The following CAD variants were observed in gnomAD, a reference collection of about 807,000 sequenced individuals.
The protein encoded by CAD is carbamoyl-phosphate synthetase 2, aspartate transcarbamylase, and dihydroorotase.
In CAD, 81 loss-of-function variants were observed where a neutral mutation model predicts 237.2. The ratio of observed to expected loss-of-function variants is 0.34; its 90% CI spans 0.29 to 0.41. The LOEUF (loss-of-function observed/expected upper bound fraction) is 0.41, where lower values mean the gene tolerates loss of function less well. Among genes scored for constraint, CAD ranks in the 10% least tolerant of loss-of-function variants. CAD has a pLI of 1.00. For synonymous variants in CAD, 1,196 were observed against 1,162.8 expected, an observed-to-expected ratio of 1.03 and a Z score of -0.58; for missense variants, 2,181 against 2,951.7, an observed-to-expected ratio of 0.74 and a Z score of 6.05.
Position 27,242,403 on chromosome 2 carries a change from G to A in CAD, c.6198G>A (p.Glu2066=). ...ALLDIFTIRE[E]LGTVNGMTIT... ...TGGACATCTTCACCATCCGTGAGGA[G>A]CTGGGAACTGTCAATGGCATGACGG... Residue 2066 remains glutamate, a synonymous_variant, in exon 40 of 44, where the codon GAG becomes GAA. Transcript: ENST00000264705. The surrounding 1 kb of genome is among the most constrained non-coding windows in gnomAD (Gnocchi z 6.4). 1.2e-6 allele frequency: 2 copies of A among 1,614,018 alleles called. No individual in the cohort carries two copies. The highest frequency in any genetic ancestry group is 1.7e-5 in the Admixed American group (1 of 59,998).
Position 27,242,212 on chromosome 2 carries a change from G to C in CAD, c.6096+89G>C. On this transcript the variant is annotated intron_variant, in intron 39 of 43. Coordinates refer to ENST00000264705, the MANE Select transcript of CAD (RefSeq NM_004341.5). The surrounding 1 kb of genome is among the most constrained non-coding windows in gnomAD (Gnocchi z 6.4). ...TCTGCCCACGTTTTCTGTGTTTTGGGCCAGATGAGTGAGGGGACCCCAGAA... is the reference window on the plus strand; with the variant it reads ...TCTGCCCACGTTTTCTGTGTTTTGGCCCAGATGAGTGAGGGGACCCCAGAA... The C allele has an allele frequency of 6.3e-7, 1 of 1,584,234 alleles. No individual in the cohort carries two copies. Among genetic ancestry groups the C allele is most frequent in the South Asian group, 1.1e-5 (1 of 87,742 alleles).
chr2:27,236,656 A>T lies in CAD; in HGVS notation c.4315-93A>T, dbSNP rs1676018476. On this transcript the variant is annotated intron_variant, in intron 26 of 43. Coordinates refer to ENST00000264705, the MANE Select transcript of CAD (RefSeq NM_004341.5). The surrounding 1 kb of genome is among the most constrained non-coding windows in gnomAD (Gnocchi z 4.1). ...ACAGAGGGAGAGATGGTGGGTATAG[A>T]GTGTGCAGAGCCTGGTTTATGGGAA... 1.9e-6 allele frequency: 3 copies of T among 1,539,126 alleles called. No homozygotes were observed. Among genetic ancestry groups the T allele is most frequent in the Middle Eastern group, 1.7e-4 (1 of 5,918 alleles).
Position 27,242,605 on chromosome 2 carries a change from G to A in CAD, c.6223-15G>A, listed in dbSNP as rs898090706. On this transcript the variant is annotated splice_polypyrimidine_tract_variant and intron_variant, in intron 40 of 43. Transcript: ENST00000264705. This position sits in a 1 kb window ranked among gnomAD's most constrained non-coding sequence, Gnocchi z 6.4. ...TCAGTCTGGGATCCCTGTGGTGACT[G>A]GATTCCTCTCCTAGATCACGATGGT... The A allele has an allele frequency of 1.9e-6, 3 of 1,582,220 alleles. No individual in the cohort carries two copies. The highest frequency in any genetic ancestry group is 2.6e-6 in the Non-Finnish European group (3 of 1,159,794).
At chr2:27,217,772 A>G in intron 1 of CAD, 105 bp from the exon 2 acceptor site, 4 of 1,466,976 alleles carry the variant, frequency 2.7e-6, no homozygotes, top group Non-Finnish European at 3.7e-6. Context: ...CCCCAGCGCC[A>G]TAAACCCCTC....
Position 27,234,114 on chromosome 2 carries a change from C to G in CAD, c.3506C>G (p.Thr1169Ser), listed in dbSNP as rs1247798094. The change falls in exon 22 of 44, where the codon ACC becomes AGC. Residue 1169 changes from threonine to serine, a missense_variant. This residue lies in a region of CAD where 306 missense variants were observed against 607.9 expected (regional missense o/e 0.50). Transcript: ENST00000264705. ...CATTCAGGTGATGCGACGCTGGTGA[C>G]CCCCCCACAAGATATCACTGCCAAA... ...GVHSGDATLV[T>S]PPQDITAKTL... 6.2e-7 allele frequency: 1 copy of G among 1,613,688 alleles called. No individual in the cohort carries two copies. Among genetic ancestry groups the G allele is most frequent in the Admixed American group, 1.7e-5 (1 of 60,014 alleles).
At chr2:27,220,962 AAAAT>A (rs761516201) in intron 2 of CAD, among the ~76,000 whole-genome samples, 15 of 152,290 alleles carry the variant, frequency 9.8e-5, no homozygotes, top group African/African-American at 2.2e-4. Flanking sequence ...TGTCTCAAAA[AAAAT>A]AAATAATAAA....
Position 27,237,935 on chromosome 2 carries a change from G to A in CAD, c.4728+53G>A. On this transcript the variant is annotated intron_variant, in intron 29 of 43. Transcript: ENST00000264705. The surrounding 1 kb of genome is among the most constrained non-coding windows in gnomAD (Gnocchi z 4.0). ...CACCACCCAGTGTCTCCTGGCTTGT[G>A]GGCCCCTGCCTAAGTGGGCTGGTAG... 6.3e-7 allele frequency: 1 copy of A among 1,576,480 alleles called. No individual in the cohort carries two copies.
Position 27,232,545 on chromosome 2 carries a change from A to G in CAD, c.2743A>G (p.Asn915Asp). The G allele has an allele frequency of 1.9e-6, 3 of 1,614,176 alleles. No homozygotes were observed. The highest frequency in any genetic ancestry group is 1.1e-5 in the South Asian group (1 of 91,072). ...TGCAGCTGAGTGGCCAGCCCAGACA[A>G]ATTACCTATACCTAACGTATTGGGG... ...TVAAEWPAQT[N>D]YLYLTYWGTT... Residue 915 changes from asparagine (N) to aspartate (D), a missense_variant, in exon 18 of 44, where the codon AAT (asparagine) becomes GAT (aspartate). Transcript: ENST00000264705. The surrounding 1 kb of genome is among the most constrained non-coding windows in gnomAD (Gnocchi z 4.1).
intron 31 of CAD, 123 bp downstream of exon 31, chr2:27,238,755 C>A (rs995530562): frequency 5.3e-5 from 48 of 902,864 alleles, no homozygotes; most frequent in Non-Finnish European, 7.5e-5. Flanking sequence ...CCGTATGGGA[C>A]CCTAGCCTCT....
rs1214193587 is a variant in CAD, at chr2:27,232,848, C to T, written c.2892+154C>T. 1.3e-5 allele frequency among the ~76,000 whole-genome samples: 2 copies of T among 152,124 alleles called. No homozygotes were observed. The highest frequency in any genetic ancestry group is 2.4e-5 in the African/African-American group (1 of 41,414). ...GTCCTTTTAGGCCATCTCTCATGCC[C>T]CACACGGTATATGAATCTCTTCCCC... is the stretch of plus-strand genomic sequence containing the variant. On this transcript the variant is annotated intron_variant, in intron 18 of 43. Coordinates refer to ENST00000264705, the MANE Select transcript of CAD (RefSeq NM_004341.5). The surrounding 1 kb of genome is among the most constrained non-coding windows in gnomAD (Gnocchi z 4.1).
At chr2:27,227,099 T>G in intron 15 of CAD, 137 bp downstream of exon 15, 1 of 713,538 alleles carries the variant, frequency 1.4e-6, no homozygotes, top group South Asian at 1.8e-5. Flanking sequence ...ATTATAGTCC[T>G]TGTCAGGAGT....
rs200410914 is a variant in CAD, at chr2:27,239,679, C to A, written c.5395-18C>A. On this transcript the variant is annotated intron_variant, in intron 33 of 43. Transcript: ENST00000264705. The surrounding 1 kb of genome is among the most constrained non-coding windows in gnomAD (Gnocchi z 4.0). ...GTTCTCTCTGCTCCCTCCTGAGTGC[C>A]CTGCCTTCTGCCTGCAGGTTCTGGT... 5 of 1,561,780 alleles carry A rather than the reference C, an allele frequency of 3.2e-6. No homozygotes were observed. In the African/African-American group the frequency reaches 6.8e-5, roughly 21 times the overall value.
At chr2:27,230,894 T>A (rs1467673257) in intron 15 of CAD, among the ~76,000 whole-genome samples, 1 of 152,258 alleles carries the variant, frequency 6.6e-6, no homozygotes, top group African/African-American at 2.4e-5. Context: ...AGTATCCCCA[T>A]GCCCGTTTTA....
In CAD at chr2:27,243,842, T is replaced by C. The variant is rs954993234; in HGVS notation, c.*324T>C. 3.1e-5 allele frequency: 9 copies of C among 287,674 alleles called. No homozygotes were observed. Among genetic ancestry groups the C allele is most frequent in the Non-Finnish European group, 5.2e-5 (8 of 152,854 alleles). 17.8% of individuals were successfully genotyped at this position (287,674 alleles called of 1,614,324 possible). On this transcript the variant is annotated 3_prime_UTR_variant, in exon 44 of 44. Transcript: ENST00000264705. ...TAGAAAATTGAGCAGATTCCCAAAT[T>C]ATAAGAGCAGCCTCACCAGGCAGGG...
chr2:27,233,336 G>C lies in CAD; in HGVS notation c.3016G>C (p.Glu1006Gln), dbSNP rs748783583. The C allele has an allele frequency of 6.2e-7, 1 of 1,614,040 alleles. No homozygotes were observed. The highest frequency in any genetic ancestry group is 8.5e-7 in the Non-Finnish European group (1 of 1,180,032). ...FEVVMDIYEL[E>Q]NPEGVILSMG... ...GGTGGTGATGGACATCTATGAGCTC[G>C]AGAACCCTGAAGGTGTGATCCTATC... Residue 1006 changes from glutamate (E) to glutamine (Q), a missense_variant, in exon 20 of 44, where the codon GAG becomes CAG. Around this residue, in one of 12 missense-constraint regions of CAD, gnomAD observed 385 missense variants for 535.1 expected, o/e 0.72. Transcript: ENST00000264705. The surrounding 1 kb of genome is among the most constrained non-coding windows in gnomAD (Gnocchi z 6.3).
chr2:27,222,685 G>A, intron 5 of CAD, 25 bp downstream of exon 5: 2 of 1,604,890 alleles, frequency 1.2e-6, no homozygotes, highest in Non-Finnish European at 8.5e-7. Context: ...CCTGTTCAGG[G>A]CCTCAGACAA....
At position 27,240,794 on chromosome 2, in the gene CAD, T is replaced by C; in HGVS notation, c.5594-117T>C. 1 of 1,261,582 alleles carries C rather than the reference T, an allele frequency of 7.9e-7. No individual in the cohort carries two copies. Among genetic ancestry groups the C allele is most frequent in the Non-Finnish European group, 1.1e-6 (1 of 882,352 alleles). The allele number at this position is 1,261,582 out of a possible 1,614,324, so 78.1% of individuals were successfully genotyped here. The stretch of plus-strand genomic sequence containing the variant: ...CCCTGCCCTCCCCTAACCTGCTATA[T>C]TACTGTGTTGTGAATTGGTTTAACA... On this transcript the variant is annotated intron_variant, in intron 35 of 43. Coordinates refer to ENST00000264705, the MANE Select transcript of CAD (RefSeq NM_004341.5). The surrounding 1 kb of genome is among the most constrained non-coding windows in gnomAD (Gnocchi z 4.6).
chr2:27,243,913 G>T lies in CAD; in HGVS notation c.*395G>T, dbSNP rs372360693. On this transcript the variant is annotated 3_prime_UTR_variant, in exon 44 of 44. Coordinates refer to ENST00000264705, the MANE Select transcript of CAD (RefSeq NM_004341.5). ...CCACACTCGGCATTTTCACACTCGTGACTCTTTGGGACTCGGCAGGAGCGT... is the reference window on the plus strand; with the variant it reads ...CCACACTCGGCATTTTCACACTCGTTACTCTTTGGGACTCGGCAGGAGCGT... 1.0e-5 allele frequency: 2 copies of T among 195,070 alleles called. No homozygotes were observed. The highest frequency in any genetic ancestry group is 2.2e-4 in the South Asian group (2 of 9,140). 12.1% of individuals were successfully genotyped at this position (195,070 alleles called of 1,614,324 possible).
chr2:27,238,416 C>T lies in CAD; in HGVS notation c.4861-15C>T, dbSNP rs532969199. On this transcript the variant is annotated splice_polypyrimidine_tract_variant and intron_variant, in intron 30 of 43. Transcript: ENST00000264705. ...ATGGGTGGTGCCTCTTCTGGATCTTCCCATTGTTCCCCAGATCCTGCTAAT... is the reference window on the plus strand; with the variant it reads ...ATGGGTGGTGCCTCTTCTGGATCTTTCCATTGTTCCCCAGATCCTGCTAAT... 1.3e-6 allele frequency: 2 copies of T among 1,555,304 alleles called. No homozygotes were observed. The highest frequency in any genetic ancestry group is 1.9e-5 in the Admixed American group (1 of 52,926).
Sources: allele counts gnomAD v4.1 joint callset (sites outside exome capture counted in the v4.1 genomes callset), GRCh38; gene constraint gnomAD v4.1.1; regional missense constraint gnomAD v4.1.1; non-coding constraint Gnocchi (gnomAD v3.1); transcripts MANE v1.5; gene names NCBI Gene and HGNC (gene_info 2026-07-23, HGNC 2026-07-21).